The following MIA2 variants were observed in gnomAD, a reference collection of about 807,000 sequenced individuals.
MIA2 encodes melanoma inhibitory activity protein 2.
MIA2 carries 127 observed loss-of-function variants against 167.8 expected under a neutral mutation model. The ratio of observed to expected loss-of-function variants is 0.76; its 90% confidence interval spans 0.66 to 0.88. The LOEUF is 0.88. MIA2 is among the 40% of genes least tolerant of loss of function. The pLI, the probability that MIA2 is intolerant of heterozygous loss-of-function variation, is 0.00. For missense variants in MIA2, 1,690 were observed against 1,624.7 expected, an observed-to-expected ratio of 1.04 and a Z score of -0.69; for synonymous variants, 552 against 541.9, an observed-to-expected ratio of 1.02 and a Z score of -0.26.
intron 6 of MIA2, among the ~76,000 whole-genome samples, chr14:39,255,152 G>A (rs548225087): frequency 1.3e-5 from 2 of 152,124 alleles, no homozygotes. Context: ...TAAGCTTAGA[G>A]AAATCATTAA....
At chr14:39,267,616 C>A (rs542282969) in intron 6 of MIA2, 1 of 1,460,192 alleles carries the variant, frequency 6.8e-7, no homozygotes, top group Non-Finnish European at 9.3e-7. Flanking sequence ...TCTAAGCCGC[C>A]GTGGTCAGAG....
In MIA2 at chr14:39,348,892, ACCT is replaced by A. The variant is rs1567027543; in HGVS notation, c.3993_3995del (p.Pro1332del). On this transcript the variant is annotated inframe_deletion, in exon 28 of 29. Transcript: ENST00000640607. Reference sequence around the variant, plus strand: ...TGAGAAGAGGACCTCCTTTCCCCCCACCTCCTCCAGGAGCCATGTTTGGAGCTT... The same window carrying A: ...TGAGAAGAGGACCTCCTTTCCCCCCACCTCCAGGAGCCATGTTTGGAGCTT... 1.2e-6 allele frequency: 2 copies of A among 1,612,850 alleles called. No homozygotes were observed. The highest frequency in any genetic ancestry group is 1.7e-5 in the Admixed American group (1 of 59,864).
chr14:39,320,112 TG>T (rs1320853737), intron 23 of MIA2, among the ~76,000 whole-genome samples: 1 of 139,958 alleles, frequency 7.1e-6, no homozygotes, highest in African/African-American at 2.7e-5. Flanking sequence ...GATTTTTTTT[TG>T]TCTGAATCCA....
chr14:39,237,644 T>A (rs1376925715), intron 2 of MIA2, among the ~76,000 whole-genome samples: 2 of 152,218 alleles, frequency 1.3e-5, no homozygotes, highest in Non-Finnish European at 2.9e-5. Context: ...GCATTGTTTT[T>A]AAAATTATAT....
chr14:39,298,413 T>TTTTATATATATATATATATA lies in MIA2; in HGVS notation c.2497-1450_2497-1449insTTATATATATATATATATAT, dbSNP rs1397878336. On this transcript the variant is annotated intron_variant, in intron 13 of 28. Coordinates refer to ENST00000640607, the MANE Select transcript of MIA2 (RefSeq NM_001329214.4). ...TTTACCTGTATCATCTGATTCTGTT[T>TTTTATATATATATATATATA]TATATATATATATATATATATATAT... Among the ~76,000 whole-genome samples the TTTTATATATATATATATATA allele has an allele frequency of 3.9e-3, 102 of 26,094 alleles. 2 individuals are homozygous for TTTTATATATATATATATATA. The highest frequency in any genetic ancestry group is 0.011 in the African/African-American group (82 of 7,164). The allele number at this position is 26,094 out of a possible 152,430, so 17.1% of individuals were successfully genotyped here.
At chr14:39,375,471 G>A (rs571503621) in intron 23 of MIA2, among the ~76,000 whole-genome samples, 72 of 152,304 alleles carry the variant, frequency 4.7e-4, no homozygotes, top group African/African-American at 1.5e-3. Flanking sequence ...CGAGGCAGAC[G>A]GATTGCCTGA....
chr14:39,243,147 A>G (rs1028233770), intron 3 of MIA2, among the ~76,000 whole-genome samples: 1 of 151,716 alleles, frequency 6.6e-6, no homozygotes, highest in African/African-American at 2.4e-5. Flanking sequence ...AAGAAGACAA[A>G]GAAAAAAGAA....
chr14:39,349,097 A>T (rs552050071), intron 28 of MIA2, 120 bp downstream of exon 28: 2 of 1,244,748 alleles, frequency 1.6e-6, no homozygotes, highest in South Asian at 3.0e-5. Context: ...GCATTCTGTG[A>T]ATCTGAAAAT....
At chr14:39,288,475 ATTTT>A (rs1247369150) in intron 9 of MIA2, among the ~76,000 whole-genome samples, 5 of 50,520 alleles carry the variant, frequency 9.9e-5, no homozygotes, top group Admixed American at 3.9e-4. Context: ...ATATATATAT[ATTTT>A]TTTTTTTTTT....
intron 13 of MIA2, among the ~76,000 whole-genome samples, chr14:39,296,607 T>TC (rs2061458228): frequency 2.4e-4 from 1 of 4,130 alleles, no homozygotes; most frequent in South Asian, 8.2e-3. Flanking sequence ...TTTCTTTTCT[T>TC]TTTTTTTTTT....
At chr14:39,290,284 T>C (rs534743976) in intron 9 of MIA2, among the ~76,000 whole-genome samples, 1 of 152,300 alleles carries the variant, frequency 6.6e-6, no homozygotes, top group African/African-American at 2.4e-5. Context: ...TCTCACAAAT[T>C]CTCACTGTTT....
At chr14:39,311,417 T>C (rs1221385446) in intron 18 of MIA2, among the ~76,000 whole-genome samples, 1 of 132,540 alleles carries the variant, frequency 7.5e-6, no homozygotes, top group African/African-American at 2.7e-5. Flanking sequence ...TTCCCAAATT[T>C]AATAATGGAA....
chr14:39,342,770 T>C (rs975838823), intron 25 of MIA2, among the ~76,000 whole-genome samples: 24 of 152,230 alleles, frequency 1.6e-4, no homozygotes, highest in African/African-American at 5.5e-4. Context: ...TGCATTTCCT[T>C]TCCTGGGCAT....
chr14:39,241,776 T>C (rs1390912368), intron 3 of MIA2, among the ~76,000 whole-genome samples: 1 of 152,244 alleles, frequency 6.6e-6, no homozygotes, highest in Non-Finnish European at 1.5e-5. Context: ...GGCTTTTCAC[T>C]GGACCTGGAA....
chr14:39,351,924 C>G (rs963661778), downstream of MIA2, among the ~76,000 whole-genome samples: 1 of 152,150 alleles, frequency 6.6e-6, no homozygotes, highest in Non-Finnish European at 1.5e-5. Flanking sequence ...ATTTCTTTCT[C>G]AGTAAATCCA....
At chr14:39,258,314 C>T (rs2054915439) in intron 6 of MIA2, among the ~76,000 whole-genome samples, 2 of 152,126 alleles carry the variant, frequency 1.3e-5, no homozygotes. Context: ...ATCTTGTCTT[C>T]ACGCCTTATT....
intron 25 of MIA2, among the ~76,000 whole-genome samples, chr14:39,333,768 T>G (rs772871701): frequency 6.6e-6 from 1 of 152,178 alleles, no homozygotes; most frequent in Non-Finnish European, 1.5e-5. Context: ...AGTTTATACT[T>G]ATGTGTAGGA....
At position 39,340,527 on chromosome 14, in the gene MIA2, A is replaced by G. The variant is rs1265322584; in HGVS notation, c.3656-5377A>G. On this transcript the variant is annotated intron_variant, in intron 25 of 28. Transcript: ENST00000640607. ...ACTTCACTGACTCTGATTCATAGAC[A>G]TTTATGCTGACCATTGTCCTACATT... is the stretch of plus-strand genomic sequence containing the variant. 3.9e-5 allele frequency among the ~76,000 whole-genome samples: 6 copies of G among 152,208 alleles called. No individual in the cohort carries two copies. The East Asian group carries it at 5.8e-4, about 15-fold the overall frequency.
intron 9 of MIA2, among the ~76,000 whole-genome samples, chr14:39,289,517 TA>T (rs2060438958): frequency 6.6e-6 from 1 of 152,240 alleles, no homozygotes; most frequent in African/African-American, 2.4e-5. Context: ...CCATCCAAGG[TA>T]CCAGTTTTGG....
Sources: allele counts gnomAD v4.1 joint callset (sites outside exome capture counted in the v4.1 genomes callset), GRCh38; gene constraint gnomAD v4.1.1; transcripts MANE v1.5; gene names NCBI Gene and HGNC (gene_info 2026-07-23, HGNC 2026-07-21).